PTPRK: variants seen among roughly 807,000 people sequenced by gnomAD.
PTPRK encodes the protein protein tyrosine phosphatase receptor type K.
In PTPRK, 75 loss-of-function variants were observed where a neutral mutation model predicts 178.0. That is an observed-to-expected ratio of 0.42 (90% CI 0.35 to 0.51). The LOEUF is 0.51. PTPRK is among the 20% of genes least tolerant of loss of function. The pLI is 0.02. For missense variants in PTPRK, 1,441 were observed against 1,797.8 expected, an observed-to-expected ratio of 0.80 and a Z score of 3.59; for synonymous variants, 637 against 620.6, an observed-to-expected ratio of 1.03 and a Z score of -0.39.
intron 3 of PTPRK, among the ~76,000 whole-genome samples, chr6:128,300,659 A>G (rs1825426549): frequency 7.1e-6 from 1 of 141,718 alleles, no homozygotes; most frequent in Admixed American, 7.3e-5. Flanking sequence ...GAACTGAACA[A>G]TGAGAACACA....
chr6:128,133,937 C>T (rs1794637968), intron 7 of PTPRK, among the ~76,000 whole-genome samples: 1 of 152,102 alleles, frequency 6.6e-6, no homozygotes, highest in Non-Finnish European at 1.5e-5. Context: ...TTATTTCCCC[C>T]AAATTTATAA....
chr6:128,208,325 C>A (rs1020493004), intron 6 of PTPRK, among the ~76,000 whole-genome samples: 2 of 151,638 alleles, frequency 1.3e-5, no homozygotes, highest in African/African-American at 4.8e-5. Context: ...AATTCCCTCT[C>A]CCAACCCTTT....
rs564917557 is a variant in PTPRK, at chr6:127,995,682, T to A, written c.2768-144A>T. ...ACCAAATCAGTCCTTTGAAGAAATA[T>A]AAGAATGTTAGTGAACCTTGCTATT... On this transcript the variant is annotated intron_variant, in intron 17 of 29. Transcript: ENST00000368226. 4 of 551,924 alleles carry A rather than the reference T, an allele frequency of 7.2e-6. No individual in the cohort carries two copies. The East Asian group carries it at 1.2e-4, about 16-fold the overall frequency. The allele number at this position is 551,924 out of a possible 1,614,324, so 34.2% of individuals were successfully genotyped here. A position where few individuals can be genotyped will look rare whatever the true frequency, so the allele number is the denominator to read the frequency against.
intron 1 of PTPRK, among the ~76,000 whole-genome samples, chr6:128,493,150 C>T (rs1259198298): frequency 3.3e-5 from 5 of 152,164 alleles, no homozygotes; most frequent in Non-Finnish European, 2.9e-5. Flanking sequence ...CAGCATTCAC[C>T]TCCTTTACTT....
chr6:128,064,688 G>A (rs1426911364), intron 13 of PTPRK, 70 bp downstream of exon 13: 59 of 1,534,010 alleles, frequency 3.8e-5, no homozygotes, highest in Non-Finnish European at 5.1e-5. Context: ...CTGAAGCAGG[G>A]AACAAAGTCC....
rs776029026 is a variant in PTPRK at position 128,082,616 on chromosome 6, G to GA, written c.1597dup (p.Ser533PhefsTer3). 1 of 1,610,020 alleles carries GA rather than the reference G, an allele frequency of 6.2e-7. No individual in the cohort carries two copies. The highest frequency in any genetic ancestry group is 8.5e-7 in the Non-Finnish European group (1 of 1,176,698). On this transcript the variant is annotated frameshift_variant, in exon 10 of 30. Coordinates refer to ENST00000368226, the MANE Select transcript of PTPRK (RefSeq NM_002844.4). LOFTEE classifies it high-confidence loss of function. ...AGCCACTGGAACTGCAGGATCAAAT[G>GA]ATCTTATACTGCTATAGCTGATCTG...
At chr6:128,511,081 A>G (rs1857112150) in intron 1 of PTPRK, among the ~76,000 whole-genome samples, 1 of 152,192 alleles carries the variant, frequency 6.6e-6, no homozygotes, top group Admixed American at 6.5e-5. Context: ...AAAATAAAAT[A>G]ATGGAAATAA....
chr6:128,164,340 T>C (rs1259356078), intron 7 of PTPRK, among the ~76,000 whole-genome samples: 2 of 151,358 alleles, frequency 1.3e-5, no homozygotes, highest in Non-Finnish European at 3.0e-5. Flanking sequence ...ATAATCCTAG[T>C]TCTTAAAAGT....
chr6:128,464,645 A>ATATATATATATG (rs1849572939), intron 1 of PTPRK, among the ~76,000 whole-genome samples: 2 of 86,990 alleles, frequency 2.3e-5, no homozygotes, highest in African/African-American at 5.6e-5. Context: ...ACACATATAT[A>ATATATATATATG]TATATATATA....
chr6:128,227,186 A>G (rs1811502600), intron 5 of PTPRK, among the ~76,000 whole-genome samples: 2 of 152,318 alleles, frequency 1.3e-5, no homozygotes, highest in South Asian at 4.1e-4. Flanking sequence ...ACAAAGAAAC[A>G]TAATGGGATT....
intron 7 of PTPRK, among the ~76,000 whole-genome samples, chr6:128,119,208 T>A (rs560321322): frequency 0.026 from 3,884 of 151,696 alleles, 75 homozygotes; most frequent in Middle Eastern, 0.092. Context: ...AAACATAAGT[T>A]AAAAAAACTT....
rs1255265360 is a variant in PTPRK, at chr6:127,976,824, A to AT, written c.3844-43dup. Reference sequence around the variant, plus strand: ...TTGAAAGAAAAAAAAAAAGAGTATTATTTTTTCTAGTTAGGAGAGTATAAA... The same window carrying AT: ...TTGAAAGAAAAAAAAAAAGAGTATTATTTTTTTCTAGTTAGGAGAGTATAAA... On this transcript the variant is annotated intron_variant, in intron 26 of 29. Coordinates refer to ENST00000368226, the MANE Select transcript of PTPRK (RefSeq NM_002844.4). 7 of 1,610,422 alleles carry AT rather than the reference A, an allele frequency of 4.3e-6. No individual in the cohort carries two copies. In the South Asian group the frequency reaches 6.6e-5, roughly 15 times the overall value.
intron 3 of PTPRK, among the ~76,000 whole-genome samples, chr6:128,282,481 G>A (rs753956997): frequency 6.6e-5 from 10 of 152,172 alleles, no homozygotes; most frequent in Non-Finnish European, 1.0e-4. Flanking sequence ...GCAAGATAAC[G>A]AAAACAAGCT....
chr6:128,089,543 A>AT (rs1238913799), intron 8 of PTPRK, 147 bp downstream of exon 8: 3 of 879,962 alleles, frequency 3.4e-6, no homozygotes, highest in East Asian at 2.6e-5. Context: ...GTAAAAGGCA[A>AT]TTTTTTTCCA....
chr6:128,362,321 T>A (rs1834887335), intron 2 of PTPRK, among the ~76,000 whole-genome samples: 1 of 152,128 alleles, frequency 6.6e-6, no homozygotes, highest in Non-Finnish European at 1.5e-5. Context: ...TATTAAACCC[T>A]TCATGAGAGA....
intron 7 of PTPRK, among the ~76,000 whole-genome samples, chr6:128,158,340 C>T (rs967391343): frequency 1.3e-5 from 2 of 151,900 alleles, no homozygotes; most frequent in Admixed American, 6.6e-5. Context: ...AGAACACCAA[C>T]ATGGCACATG....
At chr6:128,017,800 G>GTGTA (rs1239607408) in intron 13 of PTPRK, among the ~76,000 whole-genome samples, 390 of 30,056 alleles carry the variant, frequency 0.013, 4 homozygotes, top group African/African-American at 0.042. Context: ...AAATATATAT[G>GTGTA]TGTATATATA....
At chr6:128,214,118 CA>C (rs1324295151) in intron 6 of PTPRK, among the ~76,000 whole-genome samples, 1 of 152,096 alleles carries the variant, frequency 6.6e-6, no homozygotes, top group Non-Finnish European at 1.5e-5. Flanking sequence ...CTGAAGCAAA[CA>C]AAGATGAACA....
chr6:128,460,731 T>C (rs1193558376), intron 1 of PTPRK, among the ~76,000 whole-genome samples: 5 of 152,220 alleles, frequency 3.3e-5, no homozygotes, highest in African/African-American at 1.2e-4. Flanking sequence ...TGTCCCAGTG[T>C]AGCTGATGGA....
Sources: allele counts gnomAD v4.1 joint callset (sites outside exome capture counted in the v4.1 genomes callset), GRCh38; gene constraint gnomAD v4.1.1; transcripts MANE v1.5; gene names NCBI Gene and HGNC (gene_info 2026-07-23, HGNC 2026-07-21).